Variants in TET3 observed in about 807,000 individuals in gnomAD.
TET3 encodes the protein methylcytosine dioxygenase TET3.
Under a neutral mutation model 141.4 loss-of-function variants are expected in TET3, and 19 were observed. That is an observed-to-expected ratio of 0.13 (90% CI 0.09 to 0.20). The LOEUF (loss-of-function observed/expected upper bound fraction) is 0.20. Among genes scored for constraint, TET3 ranks in the 10% least tolerant of loss-of-function variants. TET3 has a pLI of 1.00. For synonymous variants in TET3, 1,043 were observed against 980.9 expected (o/e 1.06, Z -1.18); for missense variants, 1,874 against 2,356.9 (o/e 0.80, Z 4.24).
chr2:74,062,646 G>T (rs761978791), intron 4 of TET3, among the ~76,000 whole-genome samples: 1 of 152,078 alleles, frequency 6.6e-6, no homozygotes, highest in South Asian at 2.1e-4. Context: ...GCTGATGGGG[G>T]AAATAGAAAA....
intron 3 of TET3, among the ~76,000 whole-genome samples, chr2:74,011,679 CT>C (rs936830503): frequency 6.6e-6 from 1 of 151,972 alleles, no homozygotes; most frequent in Admixed American, 6.6e-5. Flanking sequence ...AATCCATATC[CT>C]TTTTTTTGCC....
chr2:73,988,990 G>GTTTTTTTTTTTT (rs1437398059), intron 2 of TET3, among the ~76,000 whole-genome samples: 2 of 106,304 alleles, frequency 1.9e-5, no homozygotes, highest in African/African-American at 3.7e-5. Context: ...AAAAAAAAAA[G>GTTTTTTTTTTTT]TTTTTTTTGT....
At chr2:74,043,243 A>G (rs1687437989) in intron 3 of TET3, among the ~76,000 whole-genome samples, 1 of 152,238 alleles carries the variant, frequency 6.6e-6, no homozygotes. Context: ...TCTAAGAAAG[A>G]AGAGAGTGCT....
At chr2:73,993,015 T>C (rs1261641550) in intron 2 of TET3, among the ~76,000 whole-genome samples, 1 of 152,224 alleles carries the variant, frequency 6.6e-6, no homozygotes, top group Non-Finnish European at 1.5e-5. Context: ...AGGCCACTGA[T>C]ATGACTGCCC....
At chr2:74,018,593 C>T (rs1685858896) in intron 3 of TET3, among the ~76,000 whole-genome samples, 1 of 152,134 alleles carries the variant, frequency 6.6e-6, no homozygotes, top group African/African-American at 2.4e-5. Flanking sequence ...TGTATGAATT[C>T]TACCTTAAGC....
chr2:74,023,968 C>T (rs1307697572), intron 3 of TET3, among the ~76,000 whole-genome samples: 1 of 152,080 alleles, frequency 6.6e-6, no homozygotes. Flanking sequence ...TTCAGTTTTT[C>T]CTACCTTTCT....
chr2:74,034,840 C>A (rs774489773), intron 3 of TET3, among the ~76,000 whole-genome samples: 1 of 152,022 alleles, frequency 6.6e-6, no homozygotes, highest in Non-Finnish European at 1.5e-5. Flanking sequence ...AAAGGTAGCA[C>A]CACAAACCTT....
intron 2 of TET3, among the ~76,000 whole-genome samples, chr2:73,989,078 C>G (rs1684199754): frequency 7.0e-6 from 1 of 143,732 alleles, no homozygotes; most frequent in Non-Finnish European, 1.5e-5. Flanking sequence ...ACGGGCATAT[C>G]TGTGGCATAA....
chr2:74,079,766 C>T (rs1689703155), intron 5 of TET3, among the ~76,000 whole-genome samples: 1 of 152,178 alleles, frequency 6.6e-6, no homozygotes, highest in African/African-American at 2.4e-5. Flanking sequence ...GTCTGATGTC[C>T]AGGGCTGTGC....
At chr2:74,012,730 T>C (rs1256950378) in intron 3 of TET3, among the ~76,000 whole-genome samples, 1 of 152,238 alleles carries the variant, frequency 6.6e-6, no homozygotes, top group Non-Finnish European at 1.5e-5. Context: ...ATTTTTTCCT[T>C]TCCACTTTAA....
At chr2:74,059,196 T>G (rs1019815813) in intron 4 of TET3, among the ~76,000 whole-genome samples, 1 of 152,282 alleles carries the variant, frequency 6.6e-6, no homozygotes, top group Non-Finnish European at 1.5e-5. Context: ...TTTTGGCTTT[T>G]GCTCAATGAT....
At chr2:73,988,956 T>C (rs1297334602) in intron 2 of TET3, among the ~76,000 whole-genome samples, 17 of 145,426 alleles carry the variant, frequency 1.2e-4, no homozygotes, top group Admixed American at 1.0e-3. Context: ...AAATACAAAA[T>C]GGTAACCAGT....
At chr2:74,066,400 A>G (rs1688903671) in intron 4 of TET3, among the ~76,000 whole-genome samples, 1 of 152,252 alleles carries the variant, frequency 6.6e-6, no homozygotes, top group South Asian at 2.1e-4. Flanking sequence ...GTGTATATAT[A>G]TATGTTACAC....
At chr2:74,076,073 C>T (rs1364251613) in intron 5 of TET3, among the ~76,000 whole-genome samples, 2 of 152,008 alleles carry the variant, frequency 1.3e-5, no homozygotes, top group African/African-American at 4.8e-5. Flanking sequence ...AGACAGCTCT[C>T]TTAAACAACT....
downstream of TET3, among the ~76,000 whole-genome samples, chr2:74,108,375 G>A (rs1691620186): frequency 6.6e-6 from 1 of 152,198 alleles, no homozygotes; most frequent in African/African-American, 2.4e-5. Flanking sequence ...GTTAAAACGG[G>A]ATCTAAAGGG....
At chr2:74,032,557 G>A (rs1003245077) in intron 3 of TET3, among the ~76,000 whole-genome samples, 1 of 142,098 alleles carries the variant, frequency 7.0e-6, no homozygotes. Flanking sequence ...CTGCCTCCGC[G>A]TCATGACCTG....
intron 2 of TET3, among the ~76,000 whole-genome samples, chr2:73,999,549 A>G (rs1684746520): frequency 6.6e-6 from 1 of 151,978 alleles, no homozygotes; most frequent in South Asian, 2.1e-4. Flanking sequence ...TGAGGTTCTC[A>G]GTGTTAGGGC....
the TET3 span, chr2:74,135,214 T>C: frequency 1.9e-5 from 6 of 309,656 alleles, no homozygotes; most frequent in Non-Finnish European, 3.0e-5. Flanking sequence ...AGAACAGCAA[T>C]AGTAAAGGAT....
rs11376599 is a variant in TET3, at chr2:74,106,093, CTTTT to C, written c.*3924_*3927del. The C allele has an allele frequency of 1.3e-5, 2 of 148,272 alleles. No individual in the cohort carries two copies. The highest frequency in any genetic ancestry group is 1.3e-4 in the Admixed American group (2 of 14,918). The allele number at this position is 148,272 out of a possible 1,614,324, so 9.2% of individuals were successfully genotyped here. ...AACAAGGTGGGCTCCAGTCTCTTGG[CTTTT>C]TTTTTTCCCTCCCCTCTTTTGGTGC... On this transcript the variant is annotated 3_prime_UTR_variant, in exon 12 of 12. Coordinates refer to ENST00000409262, the MANE Select transcript of TET3 (RefSeq NM_001287491.2).
Sources: gnomAD v4.1 joint callset for allele counts (sites outside exome capture counted in the v4.1 genomes callset) on GRCh38, gnomAD v4.1.1 for gene constraint, MANE v1.5 for transcripts, NCBI Gene and HGNC (gene_info 2026-07-23, HGNC 2026-07-21) for gene names.